The following PPP1R13B variants were observed in gnomAD, a reference collection of about 807,000 sequenced individuals.
PPP1R13B encodes the protein apoptosis-stimulating of p53 protein 1.
PPP1R13B carries 44 observed loss-of-function variants against 119.8 expected under a neutral mutation model. That is an observed-to-expected ratio of 0.37 (90% CI 0.29 to 0.47). The LOEUF (loss-of-function observed/expected upper bound fraction) is 0.47, where lower values mean the gene tolerates loss of function less well. PPP1R13B is among the 20% of genes least tolerant of loss of function. The probability of loss-of-function intolerance (pLI) is 0.99; values close to 1 mark genes in which losing one functional copy is unlikely to be tolerated. For missense variants in PPP1R13B, 1,227 were observed against 1,413.5 expected, an observed-to-expected ratio of 0.87 and a Z score of 2.12; for synonymous variants, 542 against 561.5, an observed-to-expected ratio of 0.97 and a Z score of 0.49.
In PPP1R13B at chr14:103,764,565, A is replaced by C. The variant is rs552144250; in HGVS notation, c.355-6814T>G. Reference sequence around the variant, plus strand: ...TTAATTATTGTAGTCAGTAGACATAAAATTACCCTGTTAAGTTGATATGAA... The same window carrying C: ...TTAATTATTGTAGTCAGTAGACATACAATTACCCTGTTAAGTTGATATGAA... On this transcript the variant is annotated intron_variant, in intron 4 of 16. Coordinates refer to ENST00000202556, the MANE Select transcript of PPP1R13B (RefSeq NM_015316.3). The C allele has an allele frequency of 2.5e-4, 52 of 212,076 alleles. No homozygotes were observed. The South Asian group carries it at 2.7e-3, about 11-fold the overall frequency. 13.1% of individuals were successfully genotyped at this position (212,076 alleles called of 1,614,324 possible).
chr14:103,837,650 T>A (rs1271981236), intron 1 of PPP1R13B, among the ~76,000 whole-genome samples: 1 of 152,040 alleles, frequency 6.6e-6, no homozygotes, highest in Non-Finnish European at 1.5e-5. Flanking sequence ...CAACTGGATC[T>A]TTCTCTTCTT....
intron 4 of PPP1R13B, among the ~76,000 whole-genome samples, chr14:103,758,314 C>T (rs1183592406): frequency 6.6e-6 from 1 of 152,204 alleles, no homozygotes; most frequent in East Asian, 1.9e-4. Context: ...GGCTGTTTCT[C>T]CATTCTCCAA....
chr14:103,767,732 C>T (rs80350008), intron 4 of PPP1R13B, among the ~76,000 whole-genome samples: 2,124 of 152,268 alleles, frequency 0.014, 45 homozygotes, highest in African/African-American at 0.047. Flanking sequence ...CCTGTCCCTA[C>T]ACTTCATGCT....
chr14:103,831,906 A>T (rs2086672172), intron 1 of PPP1R13B, among the ~76,000 whole-genome samples: 1 of 151,924 alleles, frequency 6.6e-6, no homozygotes, highest in African/African-American at 2.4e-5. Context: ...ACTGTACTCC[A>T]GCCTGGGTGA....
chr14:103,845,442 G>T (rs1005805078), intron 1 of PPP1R13B, among the ~76,000 whole-genome samples: 1 of 152,150 alleles, frequency 6.6e-6, no homozygotes, highest in South Asian at 2.1e-4. Context: ...TTAAACAAAA[G>T]CGGTGTTTTA....
chr14:103,848,448 G>T, upstream of PPP1R13B: 2 of 985,470 alleles, frequency 2.0e-6, no homozygotes, highest in Non-Finnish European at 2.4e-6. Flanking sequence ...AGTAAAGGCT[G>T]CCAGGGGGGT....
chr14:103,794,733 G>T (rs2085717019), intron 2 of PPP1R13B: 1 of 372,188 alleles, frequency 2.7e-6, no homozygotes, highest in East Asian at 8.0e-5. Context: ...TACAGTGCTT[G>T]CCCTCTCCCT....
Position 103,740,886 on chromosome 14 carries a change from G to A in PPP1R13B, c.1823-293C>T, listed in dbSNP as rs1044485872. Among the ~76,000 whole-genome samples, 2 of 152,218 alleles carry A rather than the reference G, an allele frequency of 1.3e-5. No individual in the cohort carries two copies. The highest frequency in any genetic ancestry group is 2.9e-5 in the Non-Finnish European group (2 of 68,038). ...TGCTAACCCGACTTTTCCTGCCGCA[G>A]ACAAGCCTGCCTGTTTTCTGGCCAA... On this transcript the variant is annotated intron_variant, in intron 11 of 16. Transcript: ENST00000202556. The surrounding 1 kb of genome is among the most constrained non-coding windows in gnomAD (Gnocchi z 4.6).
At chr14:103,741,404 G>A (rs752138635) in intron 11 of PPP1R13B, among the ~76,000 whole-genome samples, 1 of 152,210 alleles carries the variant, frequency 6.6e-6, no homozygotes, top group East Asian at 1.9e-4. Context: ...CCAGGGGTCG[G>A]GCTCAGCCAC....
rs369971313 is a variant in PPP1R13B, at chr14:103,841,321, C to T, written c.9+5978G>A. 9.9e-5 allele frequency among the ~76,000 whole-genome samples: 15 copies of T among 152,110 alleles called. No individual in the cohort carries two copies. In the East Asian group the frequency reaches 2.5e-3, roughly 25 times the overall value. ...ATTTTTTTTAGGCTGGGCGCGGTGGCTCAAGCCTGTAATCCCAGCACTCTG... is the reference window on the plus strand; with the variant it reads ...ATTTTTTTTAGGCTGGGCGCGGTGGTTCAAGCCTGTAATCCCAGCACTCTG... On this transcript the variant is annotated intron_variant, in intron 1 of 16. Transcript: ENST00000202556.
intron 4 of PPP1R13B, among the ~76,000 whole-genome samples, chr14:103,771,823 C>T (rs775000530): frequency 6.6e-6 from 1 of 152,128 alleles, no homozygotes; most frequent in African/African-American, 2.4e-5. Flanking sequence ...TTTACAACAG[C>T]TTTACTGAGG....
At chr14:103,787,548 G>C (rs1051529708) in intron 2 of PPP1R13B, among the ~76,000 whole-genome samples, 1 of 150,870 alleles carries the variant, frequency 6.6e-6, no homozygotes, top group African/African-American at 2.4e-5. Context: ...ACTGGGCGTG[G>C]TGGCTTACAC....
chr14:103,765,042 T>C (rs2151996674), intron 4 of PPP1R13B, among the ~76,000 whole-genome samples: 1 of 152,286 alleles, frequency 6.6e-6, no homozygotes, highest in African/African-American at 2.4e-5. Flanking sequence ...ATGGTCTCGA[T>C]CTCCTGACCT....
At chr14:103,845,414 T>G (rs534103659) in intron 1 of PPP1R13B, among the ~76,000 whole-genome samples, 2 of 152,208 alleles carry the variant, frequency 1.3e-5, no homozygotes. Flanking sequence ...AAATACCATC[T>G]GTTTCTAAAA....
At chr14:103,759,709 C>A (rs2084760417) in intron 4 of PPP1R13B, among the ~76,000 whole-genome samples, 1 of 151,636 alleles carries the variant, frequency 6.6e-6, no homozygotes, top group Non-Finnish European at 1.5e-5. Context: ...AAATCAAAAA[C>A]TACCTTTCTG....
At chr14:103,769,518 G>A (rs1481185865) in intron 4 of PPP1R13B, among the ~76,000 whole-genome samples, 1 of 152,164 alleles carries the variant, frequency 6.6e-6, no homozygotes, top group Non-Finnish European at 1.5e-5. Context: ...GGGATCACAG[G>A]CGTGAGCCAC....
In PPP1R13B at chr14:103,734,495, G is replaced by C. The variant is rs2151956079; in HGVS notation, c.*659C>G. The C allele has an allele frequency of 1.3e-5, 6 of 456,280 alleles. No homozygotes were observed. The highest frequency in any genetic ancestry group is 9.3e-5 in the South Asian group (6 of 64,548). 28.3% of individuals were successfully genotyped at this position (456,280 alleles called of 1,614,324 possible). A position where few individuals can be genotyped will look rare whatever the true frequency, so the allele number is the denominator to read the frequency against. ...CTCCCAGTTGTCACTTGGTCTTAGG[G>C]GTCCTGGTGCCCGTGGCGCGGCAGT... On this transcript the variant is annotated 3_prime_UTR_variant, in exon 17 of 17. Coordinates refer to ENST00000202556, the MANE Select transcript of PPP1R13B (RefSeq NM_015316.3).
intron 2 of PPP1R13B, chr14:103,794,601 T>C: frequency 2.2e-6 from 1 of 449,112 alleles, no homozygotes; most frequent in Non-Finnish European, 4.5e-6. Context: ...GTGTTGAGAT[T>C]ACAAGAGTGA....
rs1358732726 is a variant in PPP1R13B, at chr14:103,733,921, G to C, written c.*1233C>G. 1.3e-5 allele frequency: 2 copies of C among 156,066 alleles called. No homozygotes were observed. The highest frequency in any genetic ancestry group is 3.7e-4 in the East Asian group (2 of 5,350). 9.7% of individuals were successfully genotyped at this position (156,066 alleles called of 1,614,324 possible). A position where few individuals can be genotyped will look rare whatever the true frequency, so the allele number is the denominator to read the frequency against. The stretch of plus-strand genomic sequence containing the variant: ...ATGGGCTACAGTGCTGCATCAGTGA[G>C]TCTGTACACACATTTTTACATAAAT... On this transcript the variant is annotated 3_prime_UTR_variant, in exon 17 of 17. Transcript: ENST00000202556.
Sources: gnomAD v4.1 joint callset for allele counts (sites outside exome capture counted in the v4.1 genomes callset) on GRCh38, gnomAD v4.1.1 for gene constraint, Gnocchi (gnomAD v3.1) non-coding constraint, MANE v1.5 for transcripts, NCBI Gene and HGNC (gene_info 2026-07-23, HGNC 2026-07-21) for gene names.